FRMPD1: variants seen among roughly 807,000 people sequenced by gnomAD.
FRMPD1 encodes the protein FERM and PDZ domain containing 1, also known as FERM and PDZ domain-containing protein 1.
Under a neutral mutation model 117.8 loss-of-function variants are expected in FRMPD1, and 76 were observed. The ratio of observed to expected loss-of-function variants is 0.65; its 90% CI spans 0.54 to 0.78. The LOEUF is 0.78. Ranked by LOEUF, FRMPD1 falls within the 30% of genes least tolerant of loss-of-function variation. FRMPD1 has a pLI of 0.00. For missense variants in FRMPD1, 1,786 were observed against 1,964.5 expected (o/e 0.91, Z 1.72); for synonymous variants, 783 against 770.4 (o/e 1.02, Z -0.27).
At chr9:37,687,061 TC>T in intron 1 of FRMPD1, among the ~76,000 whole-genome samples, 1 of 152,338 alleles carries the variant, frequency 6.6e-6, no homozygotes, top group East Asian at 1.9e-4. Flanking sequence ...GATGTGTCCC[TC>T]TACGTCATCC....
chr9:37,710,688 T>G (rs1266074783), intron 4 of FRMPD1, among the ~76,000 whole-genome samples: 1 of 152,100 alleles, frequency 6.6e-6, no homozygotes, highest in African/African-American at 2.4e-5. Context: ...TTTTTTGGGT[T>G]GGGCACGGTG....
At chr9:37,699,322 T>TCTC (rs371700764) in intron 2 of FRMPD1, among the ~76,000 whole-genome samples, 3 of 60,806 alleles carry the variant, frequency 4.9e-5, no homozygotes, top group East Asian at 6.6e-4. Flanking sequence ...TGTCTCTCTC[T>TCTC]TTTTTTTTTT....
At chr9:37,728,620 C>T (rs1003526681) in intron 7 of FRMPD1, among the ~76,000 whole-genome samples, 2 of 152,106 alleles carry the variant, frequency 1.3e-5, no homozygotes, top group East Asian at 1.9e-4. Context: ...CTCAGAATTA[C>T]GCATTATTGT....
Position 37,733,355 on chromosome 9 carries a change from G to C in FRMPD1, c.996-118G>C. 2 of 915,730 alleles carry C rather than the reference G, an allele frequency of 2.2e-6. 1 individual carries two copies. Among genetic ancestry groups the C allele is most frequent in the Middle Eastern group, 4.6e-4 (2 of 4,326 alleles). The allele number at this position is 915,730 out of a possible 1,614,324, so 56.7% of individuals were successfully genotyped here. A position where few individuals can be genotyped will look rare whatever the true frequency, so the allele number is the denominator to read the frequency against. On this transcript the variant is annotated intron_variant, in intron 10 of 15. Coordinates refer to ENST00000377765, the MANE Select transcript of FRMPD1 (RefSeq NM_014907.3). Reference sequence around the variant, plus strand: ...AAAGAAAAAGAGAGGAGGAGAAAGTGGCTCGTAATTGCTGTATTATGGGAA... The same window carrying C: ...AAAGAAAAAGAGAGGAGGAGAAAGTCGCTCGTAATTGCTGTATTATGGGAA...
At chr9:37,663,086 T>G (rs376921249) in intron 1 of FRMPD1, among the ~76,000 whole-genome samples, 4 of 152,292 alleles carry the variant, frequency 2.6e-5, no homozygotes, top group African/African-American at 9.6e-5. Context: ...AGGCTTTTAT[T>G]GATTGCCCAT....
chr9:37,731,009 A>G lies in FRMPD1; in HGVS notation c.764A>G (p.Asp255Gly). The G allele has an allele frequency of 3.1e-6, 5 of 1,613,780 alleles. No individual in the cohort carries two copies. Among genetic ancestry groups the G allele is most frequent in the Non-Finnish European group, 4.2e-6 (5 of 1,179,722 alleles). Residue 255 changes from aspartate (D) to glycine (G), a missense_variant, in exon 9 of 16, where the codon GAC becomes GGC. Asp to Gly is a moderately conservative substitution (Grantham distance 94). Coordinates refer to ENST00000377765, the MANE Select transcript of FRMPD1 (RefSeq NM_014907.3). ...QQVVEREESH[D>G]YRCLFRVCFV... ...GTGGTAGAAAGGGAGGAGTCACATGACTACCGCTGCCTCTTCAGGGTCTGT... is the reference window on the plus strand; with the variant it reads ...GTGGTAGAAAGGGAGGAGTCACATGGCTACCGCTGCCTCTTCAGGGTCTGT...
chr9:37,737,061 C>G (rs1563959371), intron 13 of FRMPD1, 35 bp from the exon 14 acceptor site: 2 of 1,581,778 alleles, frequency 1.3e-6, no homozygotes, highest in African/African-American at 2.7e-5. Flanking sequence ...TCCCTTGGTC[C>G]TTGATAAACA....
At position 37,683,085 on chromosome 9, in the gene FRMPD1, T is replaced by C. The variant is rs865796736; in HGVS notation, c.-4-9553T>C. Among the ~76,000 whole-genome samples the C allele has an allele frequency of 4.2e-4, 64 of 152,270 alleles. No individual in the cohort carries two copies. In the Middle Eastern group the frequency reaches 0.01, roughly 24 times the overall value. On this transcript the variant is annotated intron_variant, in intron 1 of 15. Transcript: ENST00000377765. ...CGCAACCACTAATCAATTTTCTATC[T>C]CTATACATTTACCCGTTCTGGTCAT...
At chr9:37,695,798 C>T (rs1017331522) in intron 2 of FRMPD1, among the ~76,000 whole-genome samples, 2 of 152,126 alleles carry the variant, frequency 1.3e-5, no homozygotes, top group African/African-American at 4.8e-5. Flanking sequence ...TCCCTGGGAC[C>T]CCCGCAAGGA....
chr9:37,606,596 A>G, the FRMPD1 span, among the ~76,000 whole-genome samples: 1 of 152,380 alleles, frequency 6.6e-6, no homozygotes, highest in Middle Eastern at 3.4e-3. Flanking sequence ...CACGCTGAAT[A>G]TGCACAAAAC....
In FRMPD1 at chr9:37,734,443, C is replaced by T. The variant is rs28470250; in HGVS notation, c.1218+618C>T. 1.7e-3 allele frequency among the ~76,000 whole-genome samples: 257 copies of T among 151,676 alleles called. 1 individual carries two copies. Among genetic ancestry groups the T allele is most frequent in the African/African-American group, 5.6e-3 (232 of 41,382 alleles). ...GCAGAAAAGCCCTCTGCTCTCTTCC[C>T]ATTCTCCTGCCTGCTTCTTTTTGGA... On this transcript the variant is annotated intron_variant, in intron 12 of 15. Coordinates refer to ENST00000377765, the MANE Select transcript of FRMPD1 (RefSeq NM_014907.3).
At chr9:37,717,623 G>T (rs1823207705) in intron 5 of FRMPD1, among the ~76,000 whole-genome samples, 1 of 152,018 alleles carries the variant, frequency 6.6e-6, no homozygotes, top group African/African-American at 2.4e-5. Flanking sequence ...CAGGTGATCT[G>T]CCTGCCTCAG....
At chr9:37,603,693 T>C in the FRMPD1 span, among the ~76,000 whole-genome samples, 2 of 152,116 alleles carry the variant, frequency 1.3e-5, no homozygotes, top group African/African-American at 2.4e-5. Context: ...TTGTTTTGTT[T>C]TTGAGACGGA....
rs371031255 is a variant in FRMPD1 at position 37,735,738 on chromosome 9, A to G, written c.1401+4A>G. ...AGTGTATCTTCAGGACGTCAAGGTA[A>G]CACAATGGGGAGAGATTCTGAATTC... On this transcript the variant is annotated splice_donor_region_variant and intron_variant, in intron 13 of 15. Transcript: ENST00000377765. The G allele has an allele frequency of 6.2e-7, 1 of 1,606,476 alleles. No homozygotes were observed. Among genetic ancestry groups the G allele is most frequent in the Non-Finnish European group, 8.5e-7 (1 of 1,173,522 alleles).
chr9:37,722,860 G>T (rs550146537), intron 6 of FRMPD1, among the ~76,000 whole-genome samples: 48 of 152,036 alleles, frequency 3.2e-4, no homozygotes, highest in African/African-American at 1.2e-3. Context: ...CATGTGCCAT[G>T]CTGGTGTGCT....
At chr9:37,717,332 T>C (rs1160176101) in intron 5 of FRMPD1, among the ~76,000 whole-genome samples, 1 of 108,086 alleles carries the variant, frequency 9.3e-6, no homozygotes, top group African/African-American at 3.4e-5. Context: ...TGTGTGTGTA[T>C]GTGTATATAT....
chr9:37,724,862 C>G (rs1823554785), intron 7 of FRMPD1, among the ~76,000 whole-genome samples: 1 of 152,122 alleles, frequency 6.6e-6, no homozygotes, highest in Non-Finnish European at 1.5e-5. Flanking sequence ...TCAGGGAATG[C>G]TTGATTGTCC....
In FRMPD1 at chr9:37,731,085, T is replaced by G; in HGVS notation, c.840T>G (p.Phe280Leu). The change falls in exon 9 of 16, where the codon TTT (phenylalanine) becomes TTG (leucine). Residue 280 changes from phenylalanine to leucine, a missense_variant. Phe to Leu is a conservative substitution (Grantham distance 22). Coordinates refer to ENST00000377765, the MANE Select transcript of FRMPD1 (RefSeq NM_014907.3). ...TCCTGAAAGAAGACCCCGTGGCCTT[T>G]GAATACCTCTATCTGCAGGTGACTG... is the stretch of plus-strand genomic sequence containing the variant. ...LDLLKEDPVA[F>L]EYLYLQSCSD... 1 of 1,613,712 alleles carries G rather than the reference T, an allele frequency of 6.2e-7. No individual in the cohort carries two copies. Among genetic ancestry groups the G allele is most frequent in the African/African-American group, 1.3e-5 (1 of 75,026 alleles).
At chr9:37,665,708 G>A (rs1005221946) in intron 1 of FRMPD1, among the ~76,000 whole-genome samples, 2 of 152,116 alleles carry the variant, frequency 1.3e-5, no homozygotes, top group African/African-American at 4.8e-5. Context: ...TCTTCACTGG[G>A]CTTTCTCATG....
Sources: gnomAD v4.1 joint callset for allele counts (sites outside exome capture counted in the v4.1 genomes callset) on GRCh38, gnomAD v4.1.1 for gene constraint, MANE v1.5 for transcripts, NCBI Gene and HGNC (gene_info 2026-07-23, HGNC 2026-07-21) for gene names.